Variants in CEP192 observed in about 807,000 individuals in gnomAD.
CEP192 encodes centrosomal protein 192, also known as centrosomal protein of 192 kDa.
In CEP192, 151 loss-of-function variants were observed where a neutral mutation model predicts 271.8. The observed-to-expected ratio is 0.56, with a 90% CI of 0.49 to 0.64. CEP192 has a LOEUF of 0.64. Ranked by LOEUF, CEP192 falls within the 30% of genes least tolerant of loss-of-function variation. The probability of loss-of-function intolerance (pLI) is 0.00; values close to 1 mark genes in which losing one functional copy is unlikely to be tolerated. For missense variants in CEP192, 2,910 were observed against 3,020.5 expected, an observed-to-expected ratio of 0.96 and a Z score of 0.86; for synonymous variants, 995 against 1,076.5, an observed-to-expected ratio of 0.92 and a Z score of 1.48.
At chr18:13,009,571 G>A (rs763202930) in intron 4 of CEP192, among the ~76,000 whole-genome samples, 11 of 152,214 alleles carry the variant, frequency 7.2e-5, no homozygotes, top group African/African-American at 1.7e-4. Context: ...GGTGGCTTAC[G>A]CCTGTAATCT....
At chr18:13,011,090 G>C (rs2034321926) in intron 4 of CEP192, among the ~76,000 whole-genome samples, 1 of 151,772 alleles carries the variant, frequency 6.6e-6, no homozygotes, top group Admixed American at 6.6e-5. Context: ...AGCTGGGCGT[G>C]GTGGCGGGCG....
chr18:13,000,167 A>G (rs58343237), intron 2 of CEP192: 19,224 of 130,472 alleles, frequency 0.15, 1,455 homozygotes, highest in East Asian at 0.34. Flanking sequence ...TGTGTTAGCT[A>G]GGCTATTCTT....
At chr18:13,053,573 A>G (rs2036919152) in intron 18 of CEP192, among the ~76,000 whole-genome samples, 2 of 152,234 alleles carry the variant, frequency 1.3e-5, no homozygotes, top group African/African-American at 4.8e-5. Flanking sequence ...TCATGTCAAT[A>G]GGGAGAAGTG....
chr18:13,088,677 C>T (rs1598567310), intron 32 of CEP192: 1 of 227,052 alleles, frequency 4.4e-6, no homozygotes, highest in East Asian at 9.9e-5. Flanking sequence ...CGCCTGTTTC[C>T]TTCTGACCCT....
rs138283158 is a variant in CEP192 at position 13,002,831 on chromosome 18, T to G, written c.290+1249T>G. 9.9e-4 allele frequency among the ~76,000 whole-genome samples: 151 copies of G among 152,348 alleles called. 1 individual carries two copies. The highest frequency in any genetic ancestry group is 3.3e-3 in the Admixed American group (50 of 15,292). ...CGTATTTATGGGATTGAACCTACTTTAATGTCTATTCATTACTTATATTTA... is the reference window on the plus strand; with the variant it reads ...CGTATTTATGGGATTGAACCTACTTGAATGTCTATTCATTACTTATATTTA... On this transcript the variant is annotated intron_variant, in intron 3 of 44. Coordinates refer to ENST00000506447, the MANE Select transcript of CEP192 (RefSeq NM_032142.4).
At chr18:13,112,823 T>C (rs2040264103) in intron 40 of CEP192, among the ~76,000 whole-genome samples, 2 of 152,238 alleles carry the variant, frequency 1.3e-5, no homozygotes, top group Non-Finnish European at 2.9e-5. Context: ...TGTGTTTTAA[T>C]GTTTAAGTCC....
At chr18:13,041,144 G>C (rs551346656) in intron 14 of CEP192, among the ~76,000 whole-genome samples, 188 bp downstream of exon 14, 1 of 152,228 alleles carries the variant, frequency 6.6e-6, no homozygotes, top group East Asian at 1.9e-4. Flanking sequence ...GTGGAAACAA[G>C]TCAGCCAAAA....
intron 27 of CEP192, 109 bp from the exon 28 acceptor site, chr18:13,070,929 AT>A: frequency 1.2e-6 from 1 of 816,070 alleles, no homozygotes; most frequent in South Asian, 1.7e-5. Context: ...TGGGAATATC[AT>A]TGTATCCCCA....
chr18:13,050,787 C>G (rs936535506), intron 17 of CEP192, among the ~76,000 whole-genome samples: 3 of 152,012 alleles, frequency 2.0e-5, no homozygotes, highest in Non-Finnish European at 4.4e-5. Flanking sequence ...ACCATGTTGG[C>G]CAGGCTGGTT....
At chr18:13,102,549 T>C (rs546154617) in intron 38 of CEP192, among the ~76,000 whole-genome samples, 3 of 152,320 alleles carry the variant, frequency 2.0e-5, no homozygotes, top group African/African-American at 7.2e-5. Context: ...AACCCCGTCC[T>C]GTGAAGGTCA....
In CEP192 at chr18:13,067,258, G is replaced by C. The variant is rs182688901; in HGVS notation, c.4489-573G>C. 2.7e-3 allele frequency among the ~76,000 whole-genome samples: 411 copies of C among 152,224 alleles called. 1 individual carries two copies. The highest frequency in any genetic ancestry group is 0.01 in the Middle Eastern group (3 of 294). On this transcript the variant is annotated intron_variant, in intron 21 of 44. Transcript: ENST00000506447. Reference sequence around the variant, plus strand: ...TGCCTAGGCTATATGCAAATACTATGACATTTCCTATCGGGGACATCCACG... The same window carrying C: ...TGCCTAGGCTATATGCAAATACTATCACATTTCCTATCGGGGACATCCACG...
intron 44 of CEP192, among the ~76,000 whole-genome samples, chr18:13,118,409 G>T (rs540635097): frequency 3.9e-5 from 6 of 152,330 alleles, no homozygotes; most frequent in African/African-American, 1.4e-4. Flanking sequence ...GACCAGCGGT[G>T]CTGTACAGTT....
chr18:12,997,692 A>T (rs1279988443), intron 1 of CEP192, among the ~76,000 whole-genome samples: 7 of 151,986 alleles, frequency 4.6e-5, no homozygotes, highest in African/African-American at 1.7e-4. Context: ...ACATTCTTTA[A>T]TTTCTTTTAA....
intron 7 of CEP192, among the ~76,000 whole-genome samples, chr18:13,017,645 T>C (rs952401537): frequency 2.6e-5 from 4 of 152,218 alleles, no homozygotes; most frequent in African/African-American, 9.6e-5. Flanking sequence ...CTCTGAATCA[T>C]TTGAAAGTAA....
intron 15 of CEP192, among the ~76,000 whole-genome samples, chr18:13,046,829 C>CTTTTT (rs574030180): frequency 1.3e-4 from 16 of 122,362 alleles, no homozygotes; most frequent in South Asian, 2.7e-4. Context: ...AATATCCTTA[C>CTTTTT]TTTTTTTTTT....
At chr18:13,029,497 T>C (rs1288824181) in intron 9 of CEP192, among the ~76,000 whole-genome samples, 166 bp from the exon 10 acceptor site, 1 of 152,236 alleles carries the variant, frequency 6.6e-6, no homozygotes, top group Non-Finnish European at 1.5e-5. Context: ...CATTGGTTCA[T>C]ATATTCACAT....
intron 34 of CEP192, among the ~76,000 whole-genome samples, chr18:13,094,808 A>G (rs1434410698): frequency 4.4e-5 from 6 of 134,864 alleles, no homozygotes; most frequent in Non-Finnish European, 9.4e-5. Flanking sequence ...GAAGCCTCCA[A>G]TTCTAATCTA....
At chr18:13,019,351 C>T (rs551920435) in intron 9 of CEP192, 145 bp downstream of exon 9, 11 of 572,056 alleles carry the variant, frequency 1.9e-5, no homozygotes, top group African/African-American at 5.9e-5. Flanking sequence ...GATAATTTTT[C>T]GATATGTTTA....
Position 13,049,201 on chromosome 18 carries a change from A to G in CEP192, c.2410A>G (p.Ser804Gly), listed in dbSNP as rs762540151. 5.0e-5 allele frequency: 80 copies of G among 1,613,924 alleles called. No homozygotes were observed. Among genetic ancestry groups the G allele is most frequent in the Non-Finnish European group, 6.6e-5 (78 of 1,180,004 alleles). ...TGCATTGGAAAACTTTTCAAGGGCT[A>G]GTATGTCTGATACTTGGGATTTATC... The part of the protein sequence containing the change: ...ESALENFSRA[S>G]MSDTWDLSLP... Residue 804 changes from serine to glycine, a missense_variant, in exon 16 of 45, where the codon AGT (serine) becomes GGT (glycine). By Grantham distance (56) the Ser-to-Gly change is moderately conservative. Coordinates refer to ENST00000506447, the MANE Select transcript of CEP192 (RefSeq NM_032142.4).
Sources: allele counts gnomAD v4.1 joint callset (sites outside exome capture counted in the v4.1 genomes callset), GRCh38; gene constraint gnomAD v4.1.1; transcripts MANE v1.5; gene names NCBI Gene and HGNC (gene_info 2026-07-23, HGNC 2026-07-21).